Variants in CMSS1 observed in about 807,000 individuals in gnomAD.
CMSS1 encodes the protein protein CMSS1.
Under a neutral mutation model 43.5 loss-of-function variants are expected in CMSS1, and 33 were observed. The ratio of observed to expected loss-of-function variants is 0.76; its 90% CI spans 0.57 to 1.01. The LOEUF (loss-of-function observed/expected upper bound fraction) is 1.01, where lower values mean the gene tolerates loss of function less well. CMSS1 is among the 50% of genes least tolerant of loss of function. The pLI, the probability that CMSS1 is intolerant of heterozygous loss-of-function variation, is 0.00. For missense variants in CMSS1, 313 were observed against 326.4 expected (o/e 0.96, Z 0.32); for synonymous variants, 115 against 117.2 (o/e 0.98, Z 0.12).
intron 1 of CMSS1, among the ~76,000 whole-genome samples, chr3:100,011,285 C>T (rs1189890867): frequency 6.6e-6 from 1 of 152,130 alleles, no homozygotes; most frequent in Non-Finnish European, 1.5e-5. Flanking sequence ...TTCTGTAGAA[C>T]TCGACACGTG....
At chr3:99,903,887 A>C (rs1490402808) in intron 1 of CMSS1, among the ~76,000 whole-genome samples, 1 of 152,176 alleles carries the variant, frequency 6.6e-6, no homozygotes, top group Non-Finnish European at 1.5e-5. Context: ...TGCTTCATTT[A>C]ATGGTACTCA....
intron 1 of CMSS1, chr3:99,833,297 G>A: frequency 6.4e-7 from 1 of 1,567,682 alleles, no homozygotes; most frequent in South Asian, 1.1e-5. Flanking sequence ...GTAAATTTGT[G>A]GAATATATTA....
intron 1 of CMSS1, among the ~76,000 whole-genome samples, chr3:99,846,359 G>T (rs1576505786): frequency 6.6e-6 from 1 of 152,286 alleles, no homozygotes; most frequent in East Asian, 1.9e-4. Context: ...GTTGATCGAT[G>T]CCTTCCAAAA....
chr3:99,959,836 A>G (rs575021112), intron 1 of CMSS1, among the ~76,000 whole-genome samples: 1 of 152,172 alleles, frequency 6.6e-6, no homozygotes, highest in South Asian at 2.1e-4. Flanking sequence ...CCCAACAGTA[A>G]GATTATGAGC....
At chr3:100,053,870 G>A (rs1049354501) in intron 1 of CMSS1, among the ~76,000 whole-genome samples, 1 of 152,148 alleles carries the variant, frequency 6.6e-6, no homozygotes, top group East Asian at 1.9e-4. Context: ...GCCAGATTTT[G>A]TTCTCCATTA....
At chr3:100,065,609 A>G (rs1397338283) in intron 1 of CMSS1, among the ~76,000 whole-genome samples, 1 of 152,200 alleles carries the variant, frequency 6.6e-6, no homozygotes, top group Non-Finnish European at 1.5e-5. Flanking sequence ...TGAAAAAAGT[A>G]TTCACTTTAA....
chr3:99,866,693 G>C (rs912056144), intron 1 of CMSS1, among the ~76,000 whole-genome samples: 2 of 152,152 alleles, frequency 1.3e-5, no homozygotes, highest in Non-Finnish European at 2.9e-5. Flanking sequence ...TAAATCATGA[G>C]CCACAGTGAG....
chr3:99,833,389 G>A, intron 1 of CMSS1: 1 of 717,222 alleles, frequency 1.4e-6, no homozygotes, highest in East Asian at 2.8e-5. Context: ...GTTACAGTGA[G>A]TTATTAGAAG....
intron 1 of CMSS1, chr3:99,849,331 C>T (rs756746071): frequency 6.2e-7 from 1 of 1,614,126 alleles, no homozygotes; most frequent in South Asian, 1.1e-5. Context: ...GAGACTAGGC[C>T]TGAGGCTCTT....
At chr3:99,850,214 C>T (rs1400494515) in intron 1 of CMSS1, 1 of 1,613,252 alleles carries the variant, frequency 6.2e-7, no homozygotes, top group Non-Finnish European at 8.5e-7. Context: ...GTTAAATCCT[C>T]TTTTAGAGTG....
At chr3:99,884,277 C>T (rs958735302) in intron 1 of CMSS1, among the ~76,000 whole-genome samples, 1 of 152,114 alleles carries the variant, frequency 6.6e-6, no homozygotes, top group Admixed American at 6.6e-5. Context: ...TGTCTTCTCT[C>T]CCTTTTTATT....
intron 1 of CMSS1, among the ~76,000 whole-genome samples, chr3:100,097,839 G>GCTACCTT (rs2066237525): frequency 6.6e-6 from 1 of 152,144 alleles, no homozygotes; most frequent in African/African-American, 2.4e-5. Flanking sequence ...CTGGATACTT[G>GCTACCTT]CTACCTTCTA....
At chr3:99,953,871 G>A (rs1407103270) in intron 1 of CMSS1, among the ~76,000 whole-genome samples, 2 of 152,202 alleles carry the variant, frequency 1.3e-5, no homozygotes, top group African/African-American at 4.8e-5. Context: ...GTCTGCCCAT[G>A]CTGGAGGCAG....
At chr3:100,111,684 C>A (rs1234198778) in intron 1 of CMSS1, among the ~76,000 whole-genome samples, 1 of 152,158 alleles carries the variant, frequency 6.6e-6, no homozygotes, top group African/African-American at 2.4e-5. Flanking sequence ...TTCTAAGAGG[C>A]TATAATACAA....
At chr3:99,879,339 C>T (rs933638124) in intron 1 of CMSS1, among the ~76,000 whole-genome samples, 5 of 152,194 alleles carry the variant, frequency 3.3e-5, no homozygotes, top group Non-Finnish European at 7.3e-5. Flanking sequence ...CTGGTTCGAG[C>T]TAATTGTCAG....
chr3:100,171,754 AT>A (rs2107532121), intron 6 of CMSS1, 84 bp from the exon 7 acceptor site: 3 of 1,083,290 alleles, frequency 2.8e-6, no homozygotes, highest in Non-Finnish European at 4.3e-6. Flanking sequence ...CATCCTTTGA[AT>A]AAAGCAAGAC....
intron 1 of CMSS1, among the ~76,000 whole-genome samples, chr3:100,068,346 G>A (rs1184453875): frequency 3.8e-5 from 4 of 106,562 alleles, no homozygotes; most frequent in Non-Finnish European, 6.0e-5. Context: ...TGATGAAAGA[G>A]CCTCTGTGTG....
chr3:99,834,859 G>A (rs1942832417), intron 1 of CMSS1, among the ~76,000 whole-genome samples: 1 of 152,182 alleles, frequency 6.6e-6, no homozygotes, highest in Non-Finnish European at 1.5e-5. Context: ...CTTTACCCAT[G>A]TAAACCTCAG....
chr3:100,076,223 G>T (rs1349743318), intron 1 of CMSS1, among the ~76,000 whole-genome samples: 1 of 152,158 alleles, frequency 6.6e-6, no homozygotes, highest in Non-Finnish European at 1.5e-5. Context: ...CTCAGTGGAG[G>T]CTTGTCTGTT....
Sources: gnomAD v4.1 joint callset for allele counts (sites outside exome capture counted in the v4.1 genomes callset) on GRCh38, gnomAD v4.1.1 for gene constraint, MANE v1.5 for transcripts, NCBI Gene and HGNC (gene_info 2026-07-23, HGNC 2026-07-21) for gene names.